Variants in CDC25C observed in about 807,000 individuals in gnomAD.
The protein encoded by CDC25C is cell division cycle 25C.
In CDC25C, 48 loss-of-function variants were observed where a neutral mutation model predicts 52.5. The observed-to-expected ratio is 0.91, with a 90% CI of 0.72 to 1.16. The LOEUF is 1.16. CDC25C is among the 50% of genes most tolerant of loss of function. The probability of loss-of-function intolerance (pLI) is 0.00; values close to 1 mark genes in which losing one functional copy is unlikely to be tolerated. For missense variants in CDC25C, 510 were observed against 566.1 expected (o/e 0.90, Z 1.01); for synonymous variants, 187 against 206.5 (o/e 0.91, Z 0.81).
chr5:138,337,700 C>T (rs995030662), intron 1 of CDC25C: 1 of 332,452 alleles, frequency 3.0e-6, no homozygotes, highest in Non-Finnish European at 5.8e-6. Flanking sequence ...GCCGATCCGG[C>T]AGCTGCAAGA....
In CDC25C at chr5:138,292,057, T is replaced by C; in HGVS notation, c.675A>G (p.Arg225=). Residue 225 remains arginine, a synonymous_variant, in exon 8 of 14, where the codon AGA becomes AGG. Coordinates refer to ENST00000323760, the MANE Select transcript of CDC25C (RefSeq NM_001790.5). ...PSMPENLNRP[R]LKQVEKFKDN... is the part of the protein sequence containing the mutation. ...CCTTGAATTTTTCCACCTGCTTCAG[T>C]CTTGGCCTGTTCAAGTTCTCTGGCA... 1 of 1,613,622 alleles carries C rather than the reference T, an allele frequency of 6.2e-7. No homozygotes were observed.
At chr5:138,337,861 C>T (rs985794154) in intron 1 of CDC25C, 2 of 794,390 alleles carry the variant, frequency 2.5e-6, no homozygotes, top group African/African-American at 3.6e-5. Context: ...AGGTGAGGGG[C>T]ACTGTGGCTA....
chr5:138,319,156 T>G, intron 7 of CDC25C, 63 bp downstream of exon 7: 1 of 1,413,078 alleles, frequency 7.1e-7, no homozygotes, highest in Non-Finnish European at 9.7e-7. Flanking sequence ...ATTTGTCTAG[T>G]TCTTCTTTTA....
At chr5:138,317,941 A>T (rs1759028483) in intron 7 of CDC25C, among the ~76,000 whole-genome samples, 1 of 152,218 alleles carries the variant, frequency 6.6e-6, no homozygotes. Flanking sequence ...TTTGATGGTG[A>T]TCCACTCAAA....
At chr5:138,325,134 A>C (rs1759749512) in intron 6 of CDC25C, among the ~76,000 whole-genome samples, 1 of 152,222 alleles carries the variant, frequency 6.6e-6, no homozygotes, top group Admixed American at 6.6e-5. Flanking sequence ...ATCAAGAAAA[A>C]ACTGATAAGA....
chr5:138,309,575 G>A (rs1026823940), intron 7 of CDC25C, among the ~76,000 whole-genome samples: 4 of 151,920 alleles, frequency 2.6e-5, no homozygotes, highest in Non-Finnish European at 1.5e-5. Flanking sequence ...AAGGGCGATG[G>A]GGGGAGGTGA....
In CDC25C at chr5:138,304,975, G is replaced by A. The variant is rs146946269; in HGVS notation, c.616-12859C>T. Among the ~76,000 whole-genome samples the A allele has an allele frequency of 4.1e-4, 62 of 152,184 alleles. 1 individual carries two copies. In the East Asian group the frequency reaches 0.012, roughly 29 times the overall value. ...ACTCACCATAGCCTAAAGACCCTGC[G>A]TGATCTACCTCCTGACTACTTATTC... On this transcript the variant is annotated intron_variant, in intron 7 of 13. Transcript: ENST00000323760.
chr5:138,287,641 CA>C (rs745963673), intron 10 of CDC25C, among the ~76,000 whole-genome samples: 63 of 152,058 alleles, frequency 4.1e-4, no homozygotes, highest in Admixed American at 9.2e-4. Flanking sequence ...TACCCACCAT[CA>C]AAAAGGAAGA....
At position 138,331,697 on chromosome 5, in the gene CDC25C, G is replaced by C. The variant is rs1048772192; in HGVS notation, c.-141C>G. On this transcript the variant is annotated 5_prime_UTR_variant, in exon 1 of 14. Coordinates refer to ENST00000323760, the MANE Select transcript of CDC25C (RefSeq NM_001790.5). The stretch of plus-strand genomic sequence containing the variant: ...AGAATGAAAGGAAATCTAGGGGAAA[G>C]GAGGTAGTTAACTAGATTGCAGCTC... 2.0e-6 allele frequency: 2 copies of C among 990,812 alleles called. No individual in the cohort carries two copies. The highest frequency in any genetic ancestry group is 3.5e-5 in the African/African-American group (2 of 57,306). The allele number at this position is 990,812 out of a possible 1,614,324, so 61.4% of individuals were successfully genotyped here.
upstream of CDC25C, among the ~76,000 whole-genome samples, chr5:138,333,984 A>G (rs1451534672): frequency 6.6e-6 from 1 of 151,812 alleles, no homozygotes; most frequent in East Asian, 1.9e-4. Context: ...CCCGGGCTAG[A>G]GTACAGTGGC....
chr5:138,335,701 CA>C (rs1268413923), upstream of CDC25C, among the ~76,000 whole-genome samples: 1 of 151,366 alleles, frequency 6.6e-6, no homozygotes, highest in East Asian at 1.9e-4. Context: ...ACTGGGAGGC[CA>C]TTTTATAGAT....
chr5:138,319,892 G>A (rs1474099696), intron 6 of CDC25C, among the ~76,000 whole-genome samples: 6 of 152,220 alleles, frequency 3.9e-5, no homozygotes, highest in Non-Finnish European at 7.3e-5. Context: ...TGCATTGCTG[G>A]TGGGAATGTA....
In CDC25C at chr5:138,326,056, T is replaced by C; in HGVS notation, c.336-2A>G. ...TTCATTAGGTGCTGGTCATGATTCC[T>C]GCAGATTAAAACAAACTGCCTGTCA... is the stretch of plus-strand genomic sequence containing the variant. On this transcript the variant is annotated splice_acceptor_variant, in intron 4 of 13. Transcript: ENST00000323760. LOFTEE classifies it high-confidence loss of function. The C allele has an allele frequency of 3.1e-6, 5 of 1,614,212 alleles. No homozygotes were observed. Among genetic ancestry groups the C allele is most frequent in the Non-Finnish European group, 4.2e-6 (5 of 1,180,010 alleles).
Position 138,292,080 on chromosome 5 carries a change from G to C in CDC25C, c.652C>G (p.Pro218Ala), listed in dbSNP as rs1325359238. Reference protein sequence around the residue: ...RSGLYRSPSMPENLNRPRLKQ... With the variant: ...RSGLYRSPSMAENLNRPRLKQ... Reference sequence around the variant, plus strand: ...AGTCTTGGCCTGTTCAAGTTCTCTGGCATCGACGGGGAGCGATATAGGCCA... The same window carrying C: ...AGTCTTGGCCTGTTCAAGTTCTCTGCCATCGACGGGGAGCGATATAGGCCA... The change falls in exon 8 of 14, where the codon CCA (proline) becomes GCA (alanine). Residue 218 changes from proline to alanine, a missense_variant. Coordinates refer to ENST00000323760, the MANE Select transcript of CDC25C (RefSeq NM_001790.5). The C allele has an allele frequency of 2.5e-6, 4 of 1,612,662 alleles. No individual in the cohort carries two copies. The highest frequency in any genetic ancestry group is 3.4e-6 in the Non-Finnish European group (4 of 1,179,400).
intron 7 of CDC25C, among the ~76,000 whole-genome samples, chr5:138,317,431 G>C (rs1020651730): frequency 6.6e-6 from 1 of 152,018 alleles, no homozygotes; most frequent in African/African-American, 2.4e-5. Flanking sequence ...TGTAATCCCA[G>C]CACTTTGGGA....
chr5:138,326,984 C>G (rs572669557), intron 4 of CDC25C, among the ~76,000 whole-genome samples: 1 of 146,548 alleles, frequency 6.8e-6, no homozygotes, highest in Non-Finnish European at 1.5e-5. Flanking sequence ...AGGCTGGGCG[C>G]GGGGGCTCAC....
intron 11 of CDC25C, among the ~76,000 whole-genome samples, 173 bp from the exon 12 acceptor site, chr5:138,286,803 T>C (rs541765270): frequency 2.0e-5 from 3 of 152,324 alleles, no homozygotes; most frequent in South Asian, 2.1e-4. Context: ...ACGCCTGGCA[T>C]AGAGCTTGTA....
At chr5:138,329,493 C>T in intron 3 of CDC25C, 60 bp downstream of exon 3, 1 of 1,055,152 alleles carries the variant, frequency 9.5e-7, no homozygotes. Context: ...ATCCTCCTTC[C>T]CTGTTTTCTC....
rs539387269 is a variant in CDC25C at position 138,288,419 on chromosome 5, G to A, written c.927+1082C>T. 5.9e-5 allele frequency among the ~76,000 whole-genome samples: 9 copies of A among 152,244 alleles called. No homozygotes were observed. The South Asian group carries it at 1.9e-3, about 32-fold the overall frequency. On this transcript the variant is annotated intron_variant, in intron 10 of 13. Coordinates refer to ENST00000323760, the MANE Select transcript of CDC25C (RefSeq NM_001790.5). ...ATATGCTAGAATAAAATCTGGGGCTGGGCGCAGTGGCTCACACCTGTAATC... is the reference window on the plus strand; with the variant it reads ...ATATGCTAGAATAAAATCTGGGGCTAGGCGCAGTGGCTCACACCTGTAATC...
Sources: allele counts gnomAD v4.1 joint callset (sites outside exome capture counted in the v4.1 genomes callset), GRCh38; gene constraint gnomAD v4.1.1; transcripts MANE v1.5; gene names NCBI Gene and HGNC (gene_info 2026-07-23, HGNC 2026-07-21).